EPHB1: variants seen among roughly 807,000 people sequenced by gnomAD.
EPHB1 encodes ephrin type-B receptor 1.
EPHB1 carries 30 observed loss-of-function variants against 94.4 expected under a neutral mutation model. The observed-to-expected ratio is 0.32, with a 90% confidence interval of 0.24 to 0.43. The LOEUF (loss-of-function observed/expected upper bound fraction) is 0.43, where lower values mean the gene tolerates loss of function less well. Ranked by LOEUF, EPHB1 falls within the 20% of genes least tolerant of loss-of-function variation. EPHB1 has a pLI of 1.00. For missense variants in EPHB1, 1,055 were observed against 1,308.3 expected (o/e 0.81, Z 2.99); for synonymous variants, 522 against 489.1 (o/e 1.07, Z -0.89).
intron 12 of EPHB1, among the ~76,000 whole-genome samples, chr3:135,212,146 A>G (rs747379349): frequency 6.6e-5 from 10 of 152,084 alleles, no homozygotes; most frequent in Non-Finnish European, 1.0e-4. Context: ...TTTTAGAGCT[A>G]TATTTTCTAA....
chr3:134,916,182 T>C (rs1005049363), intron 1 of EPHB1, among the ~76,000 whole-genome samples: 1 of 151,666 alleles, frequency 6.6e-6, no homozygotes, highest in Non-Finnish European at 1.5e-5. Flanking sequence ...GATTGGTGTG[T>C]TTACAAACCT....
At chr3:135,179,781 A>T in intron 9 of EPHB1, 79 bp from the exon 10 acceptor site, 8 of 1,556,804 alleles carry the variant, frequency 5.1e-6, no homozygotes, top group Non-Finnish European at 7.0e-6. Context: ...GAATGCCCTT[A>T]GTGCTGGGGA....
At chr3:135,084,369 A>G (rs1467127393) in intron 3 of EPHB1, among the ~76,000 whole-genome samples, 1 of 152,120 alleles carries the variant, frequency 6.6e-6, no homozygotes. Context: ...CCTAGAAAAG[A>G]CAGTGCTCAT....
chr3:135,239,190 G>C (rs1379053545), intron 12 of EPHB1, among the ~76,000 whole-genome samples: 1 of 152,220 alleles, frequency 6.6e-6, no homozygotes, highest in Non-Finnish European at 1.5e-5. Flanking sequence ...TTTGCAGAAA[G>C]TGGGATGTGT....
chr3:134,890,116 C>G lies in EPHB1; in HGVS notation c.59-35700C>G, dbSNP rs9942129. On this transcript the variant is annotated intron_variant, in intron 1 of 15. Coordinates refer to ENST00000398015, the MANE Select transcript of EPHB1 (RefSeq NM_004441.5). ...GCAGAGGAAGCCCCCATCCACCTCT[C>G]CTCAGTCACTACCCCCCCTTCCACC... Among the ~76,000 whole-genome samples the G allele has an allele frequency of 2.9e-3, 438 of 152,282 alleles. 1 individual carries two copies. Among genetic ancestry groups the G allele is most frequent in the African/African-American group, 0.01 (418 of 41,550 alleles).
chr3:135,077,168 C>T (rs1167104739), intron 3 of EPHB1, among the ~76,000 whole-genome samples: 1 of 152,026 alleles, frequency 6.6e-6, no homozygotes, highest in African/African-American at 2.4e-5. Flanking sequence ...CCAAAGGAAC[C>T]ATGGACAGGG....
intron 1 of EPHB1, among the ~76,000 whole-genome samples, chr3:134,841,297 G>A (rs1578129130): frequency 6.6e-6 from 1 of 152,200 alleles, no homozygotes; most frequent in East Asian, 1.9e-4. Context: ...CAGCCAGGAA[G>A]CCTTAGAGGA....
At chr3:135,160,077 AACTC>A (rs1039264025) in intron 6 of EPHB1, among the ~76,000 whole-genome samples, 1 of 152,212 alleles carries the variant, frequency 6.6e-6, no homozygotes, top group East Asian at 1.9e-4. Context: ...GCTCTCTGCC[AACTC>A]ACTCAATCAA....
intron 1 of EPHB1, among the ~76,000 whole-genome samples, chr3:134,836,901 CGTT>C (rs2036682622): frequency 6.6e-6 from 1 of 152,112 alleles, no homozygotes; most frequent in Non-Finnish European, 1.5e-5. Context: ...AGAAAGGAGA[CGTT>C]GTTTTTCTGT....
chr3:134,973,991 G>C (rs1366781556), intron 3 of EPHB1, among the ~76,000 whole-genome samples: 1 of 152,140 alleles, frequency 6.6e-6, no homozygotes, highest in African/African-American at 2.4e-5. Flanking sequence ...AGGACCCAAA[G>C]GCCAGCAGGA....
At chr3:135,038,716 G>A (rs2107764277) in intron 3 of EPHB1, among the ~76,000 whole-genome samples, 1 of 152,236 alleles carries the variant, frequency 6.6e-6, no homozygotes, top group Non-Finnish European at 1.5e-5. Flanking sequence ...CGCTGGCTCA[G>A]GAGTGAAGCT....
At chr3:134,810,755 G>A (rs368200934) in intron 1 of EPHB1, among the ~76,000 whole-genome samples, 20 of 152,276 alleles carry the variant, frequency 1.3e-4, no homozygotes, top group African/African-American at 4.8e-4. Context: ...GTGGACTCCA[G>A]ATAGGAATGG....
At chr3:135,063,039 G>C (rs1232190188) in intron 3 of EPHB1, among the ~76,000 whole-genome samples, 2 of 152,082 alleles carry the variant, frequency 1.3e-5, no homozygotes, top group Non-Finnish European at 2.9e-5. Flanking sequence ...TGTTCCATTG[G>C]TCTATGTGCC....
chr3:134,885,691 C>T (rs1440897369), intron 1 of EPHB1, among the ~76,000 whole-genome samples: 1 of 152,134 alleles, frequency 6.6e-6, no homozygotes, highest in Admixed American at 6.5e-5. Context: ...TGGAAAACTT[C>T]TGGGTCAACA....
intron 6 of EPHB1, 130 bp from the exon 7 acceptor site, chr3:135,161,888 G>A: frequency 1.0e-6 from 1 of 983,746 alleles, no homozygotes; most frequent in Non-Finnish European, 1.5e-6. Context: ...GGATGGCCTG[G>A]AGCTGATGAC....
intron 3 of EPHB1, among the ~76,000 whole-genome samples, chr3:135,051,662 G>A (rs190252957): frequency 2.1e-4 from 32 of 152,328 alleles, no homozygotes; most frequent in Middle Eastern, 3.4e-3. Context: ...CTTTGACTGC[G>A]TGGGTTTTGA....
At chr3:135,225,764 A>T (rs946207690) in intron 12 of EPHB1, among the ~76,000 whole-genome samples, 20 of 151,600 alleles carry the variant, frequency 1.3e-4, no homozygotes, top group African/African-American at 4.9e-4. Flanking sequence ...AGGAGGGGAA[A>T]CTGAGGTGAC....
intron 1 of EPHB1, among the ~76,000 whole-genome samples, chr3:134,905,473 G>T (rs978793656): frequency 6.6e-6 from 1 of 152,234 alleles, no homozygotes; most frequent in African/African-American, 2.4e-5. Flanking sequence ...CCAACCAGGG[G>T]GCAGGGCAAG....
chr3:135,011,416 A>C (rs28223), intron 3 of EPHB1, among the ~76,000 whole-genome samples: 21,961 of 152,170 alleles, frequency 0.14, 2,214 homozygotes, highest in African/African-American at 0.28. Flanking sequence ...ACTTTAATTC[A>C]AGAAGCCTTT....
Sources: allele counts gnomAD v4.1 joint callset (sites outside exome capture counted in the v4.1 genomes callset), GRCh38; gene constraint gnomAD v4.1.1; transcripts MANE v1.5; gene names NCBI Gene and HGNC (gene_info 2026-07-23, HGNC 2026-07-21).